KCTD8: variants seen among roughly 807,000 people sequenced by gnomAD.
The protein encoded by KCTD8 is BTB/POZ domain-containing protein KCTD8.
Under a neutral mutation model 31.5 loss-of-function variants are expected in KCTD8, and 27 were observed. That is an observed-to-expected ratio of 0.86 (90% CI 0.63 to 1.18). KCTD8 has a LOEUF of 1.18. KCTD8 is among the 50% of genes most tolerant of loss of function. The pLI is 0.00. For missense variants in KCTD8, 658 were observed against 647.7 expected, an observed-to-expected ratio of 1.02 and a Z score of -0.17; for synonymous variants, 290 against 280.0, an observed-to-expected ratio of 1.04 and a Z score of -0.36.
intron 1 of KCTD8, among the ~76,000 whole-genome samples, chr4:44,175,882 T>C (rs913031227): frequency 7.9e-5 from 12 of 152,176 alleles, no homozygotes; most frequent in Non-Finnish European, 1.2e-4. Context: ...GGGCCTAATA[T>C]TATGGTGTGA....
rs779819635 is a variant in KCTD8 at position 44,448,197 on chromosome 4, C to T, written c.327G>A (p.Val109=). Residue 109 remains valine, a synonymous_variant, in exon 1 of 2, where the codon GTG becomes GTA. Coordinates refer to ENST00000360029, the MANE Select transcript of KCTD8 (RefSeq NM_198353.3). This position sits in a 1 kb window ranked among gnomAD's most constrained non-coding sequence, Gnocchi z 4.1. The part of the protein sequence containing the change: ...IDRDGFLFRY[V]LDYLRDKQLA... ...GTTGCTTGTCCCGCAGATAATCCAG[C>T]ACGTACCTGAAAAGGAAGCCGTCCC... 3 of 1,612,408 alleles carry T rather than the reference C, an allele frequency of 1.9e-6. No individual in the cohort carries two copies. Among genetic ancestry groups the T allele is most frequent in the Non-Finnish European group, 2.5e-6 (3 of 1,179,776 alleles).
chr4:44,421,952 A>C (rs1721222653), intron 1 of KCTD8, among the ~76,000 whole-genome samples: 1 of 152,160 alleles, frequency 6.6e-6, no homozygotes, highest in Non-Finnish European at 1.5e-5. Context: ...GCTGAATAAT[A>C]ATCATCTGAT....
intron 1 of KCTD8, among the ~76,000 whole-genome samples, chr4:44,269,501 C>T (rs1716506823): frequency 6.6e-6 from 1 of 151,364 alleles, no homozygotes; most frequent in African/African-American, 2.4e-5. Flanking sequence ...ATGTCTAAAA[C>T]ACCAAAAGCA....
At chr4:44,233,837 G>T (rs187199153) in intron 1 of KCTD8, among the ~76,000 whole-genome samples, 1 of 151,984 alleles carries the variant, frequency 6.6e-6, no homozygotes, top group East Asian at 1.9e-4. Context: ...TGACATAAAC[G>T]ATGTAGACTA....
chr4:44,231,226 C>A (rs1462267397), intron 1 of KCTD8, among the ~76,000 whole-genome samples: 1 of 152,164 alleles, frequency 6.6e-6, no homozygotes, highest in South Asian at 2.1e-4. Context: ...TATCTCACCT[C>A]ATTTCTCCCC....
intron 1 of KCTD8, among the ~76,000 whole-genome samples, chr4:44,377,095 C>G (rs1719935381): frequency 6.6e-6 from 1 of 152,178 alleles, no homozygotes; most frequent in Non-Finnish European, 1.5e-5. Context: ...AAATTATGCT[C>G]TAGCCTCCTC....
At chr4:44,387,504 C>A (rs1052829397) in intron 1 of KCTD8, among the ~76,000 whole-genome samples, 2 of 151,662 alleles carry the variant, frequency 1.3e-5, no homozygotes, top group African/African-American at 4.8e-5. Context: ...AACAACATAG[C>A]ACTGGTACAA....
chr4:44,265,196 T>A (rs1481710148), intron 1 of KCTD8, among the ~76,000 whole-genome samples: 1 of 152,028 alleles, frequency 6.6e-6, no homozygotes, highest in Admixed American at 6.5e-5. Context: ...GAGACAAAAC[T>A]TCCAGAGGAA....
chr4:44,254,105 A>G (rs1475127253), intron 1 of KCTD8, among the ~76,000 whole-genome samples: 1 of 151,916 alleles, frequency 6.6e-6, no homozygotes, highest in African/African-American at 2.4e-5. Context: ...TTTGGCTAAG[A>G]AGATTTCCAT....
rs547470076 is a variant in KCTD8 at position 44,282,581 on chromosome 4, G to T, written c.962-107331C>A. On this transcript the variant is annotated intron_variant, in intron 1 of 1. Transcript: ENST00000360029. Reference sequence around the variant, plus strand: ...GCTTAATAAGAAAACATGTTGAAAGGTGAGACAGGCCAAAATCTGAACCTC... The same window carrying T: ...GCTTAATAAGAAAACATGTTGAAAGTTGAGACAGGCCAAAATCTGAACCTC... Among the ~76,000 whole-genome samples the T allele has an allele frequency of 6.6e-4, 101 of 152,242 alleles. 1 individual carries two copies. The South Asian group carries it at 0.021, about 32-fold the overall frequency.
At chr4:44,210,332 T>C (rs1714444928) in intron 1 of KCTD8, among the ~76,000 whole-genome samples, 2 of 152,222 alleles carry the variant, frequency 1.3e-5, no homozygotes, top group African/African-American at 4.8e-5. Context: ...TGCTAAGGCA[T>C]TTTATCTTAT....
rs116143301 is a variant in KCTD8, at chr4:44,401,430, T to C, written c.961+46133A>G. Among the ~76,000 whole-genome samples the C allele has an allele frequency of 3.6e-3, 548 of 152,260 alleles. 4 individuals are homozygous for C. The highest frequency in any genetic ancestry group is 0.012 in the African/African-American group (505 of 41,556). Reference sequence around the variant, plus strand: ...CAAAGGAGTGTACAGGCCAAAAGTCTGTGAACATATGGCTTGGGGACTTGA... The same window carrying C: ...CAAAGGAGTGTACAGGCCAAAAGTCCGTGAACATATGGCTTGGGGACTTGA... On this transcript the variant is annotated intron_variant, in intron 1 of 1. Coordinates refer to ENST00000360029, the MANE Select transcript of KCTD8 (RefSeq NM_198353.3).
At chr4:44,356,559 C>T (rs187807086) in intron 1 of KCTD8, among the ~76,000 whole-genome samples, 15 of 152,162 alleles carry the variant, frequency 9.9e-5, no homozygotes, top group East Asian at 3.9e-4. Context: ...CTGCAACTTC[C>T]GCCTCCCGGG....
intron 1 of KCTD8, among the ~76,000 whole-genome samples, chr4:44,390,417 T>C (rs919560565): frequency 2.0e-5 from 3 of 152,010 alleles, no homozygotes; most frequent in African/African-American, 7.2e-5. Flanking sequence ...CACCTTTATG[T>C]TTTTGTTTGC....
At chr4:44,270,794 T>C (rs893724393) in intron 1 of KCTD8, among the ~76,000 whole-genome samples, 1 of 152,156 alleles carries the variant, frequency 6.6e-6, no homozygotes, top group African/African-American at 2.4e-5. Context: ...GTTCATTTGA[T>C]TTTCATGTCA....
chr4:44,328,586 A>T (rs1718515770), intron 1 of KCTD8, among the ~76,000 whole-genome samples: 1 of 152,020 alleles, frequency 6.6e-6, no homozygotes, highest in Non-Finnish European at 1.5e-5. Context: ...AAATAGTTTT[A>T]GATGATTTTC....
intron 1 of KCTD8, among the ~76,000 whole-genome samples, chr4:44,434,812 C>T (rs1228309973): frequency 6.6e-6 from 1 of 151,846 alleles, no homozygotes; most frequent in Non-Finnish European, 1.5e-5. Context: ...AAATTATCGC[C>T]CTTAACTCGA....
intron 1 of KCTD8, among the ~76,000 whole-genome samples, chr4:44,181,769 T>C (rs1336541527): frequency 1.4e-5 from 2 of 146,718 alleles, no homozygotes; most frequent in African/African-American, 2.6e-5. Flanking sequence ...GAGGAGAGCC[T>C]CTTCCCGGCC....
At chr4:44,382,598 T>C (rs1720098367) in intron 1 of KCTD8, among the ~76,000 whole-genome samples, 2 of 151,798 alleles carry the variant, frequency 1.3e-5, no homozygotes, top group Non-Finnish European at 2.9e-5. Context: ...GGCGTGGTGG[T>C]GGGCACCTGT....
Sources: allele counts gnomAD v4.1 joint callset (sites outside exome capture counted in the v4.1 genomes callset), GRCh38; gene constraint gnomAD v4.1.1; non-coding constraint Gnocchi (gnomAD v3.1); transcripts MANE v1.5; gene names NCBI Gene and HGNC (gene_info 2026-07-23, HGNC 2026-07-21).